Variants in TRAF2 observed in about 807,000 individuals in gnomAD.
The protein encoded by TRAF2 is TNF receptor-associated factor 2.
Under a neutral mutation model 55.6 loss-of-function variants are expected in TRAF2, and 6 were observed. That is an observed-to-expected ratio of 0.11 (90% CI 0.06 to 0.21). The LOEUF (loss-of-function observed/expected upper bound fraction) is 0.21, where lower values mean the gene tolerates loss of function less well. Ranked by LOEUF, TRAF2 falls within the 10% of genes least tolerant of loss-of-function variation. The probability of loss-of-function intolerance (pLI) is 1.00; values close to 1 mark genes in which losing one functional copy is unlikely to be tolerated. For synonymous variants in TRAF2, 329 were observed against 276.3 expected (o/e 1.19, Z -1.89); for missense variants, 561 against 684.5 (o/e 0.82, Z 2.01).
rs370806633 is a variant in TRAF2 at position 136,925,829 on chromosome 9, G to A, written c.1434G>A (p.Met478Ile). The A allele has an allele frequency of 1.5e-4, 244 of 1,614,138 alleles. No homozygotes were observed. Among genetic ancestry groups the A allele is most frequent in the Non-Finnish European group, 2.0e-4 (236 of 1,180,062 alleles). The change falls in exon 11 of 11, where the codon ATG becomes ATA. Residue 478 changes from methionine (M) to isoleucine (I), a missense_variant. Around this residue, in one of 2 missense-constraint regions of TRAF2, gnomAD observed 135 missense variants for 207.7 expected, o/e 0.65. Transcript: ENST00000247668. ...GCPLFCPVSK[M>I]EAKNSYVRDD... ...CCCTCTTCTGCCCCGTCTCCAAGAT[G>A]GAGGCAAAGAATTCCTACGTGCGGG... is the stretch of plus-strand genomic sequence containing the variant.
At chr9:136,884,302 T>C (rs1168220871), upstream of TRAF2, among the ~76,000 whole-genome samples, 1 of 150,916 alleles carries the variant, frequency 6.6e-6, no homozygotes, top group Non-Finnish European at 1.5e-5. Flanking sequence ...CTCATGCCTG[T>C]AATCCTAGCA....
At chr9:136,911,400 G>C (rs1850103170) in intron 6 of TRAF2, among the ~76,000 whole-genome samples, 1 of 151,888 alleles carries the variant, frequency 6.6e-6, no homozygotes, top group South Asian at 2.1e-4. Context: ...GAGTAGCTGG[G>C]ATTGCAGGTA....
chr9:136,906,021 C>T (rs7854924), intron 4 of TRAF2, among the ~76,000 whole-genome samples: 113,608 of 152,076 alleles, frequency 0.75, 42,616 homozygotes, highest in East Asian at 0.87. Flanking sequence ...AGAAGAATGG[C>T]GTGAACCCAG....
chr9:136,882,709 G>C (rs1232405342), upstream of TRAF2: 1 of 985,392 alleles, frequency 1.0e-6, no homozygotes, highest in East Asian at 1.1e-4. Context: ...GCCATGGCCA[G>C]AGTGAGTCAC....
intron 4 of TRAF2, among the ~76,000 whole-genome samples, chr9:136,905,842 C>T (rs976937764): frequency 6.6e-6 from 1 of 152,182 alleles, no homozygotes; most frequent in East Asian, 1.9e-4. Flanking sequence ...CGGTGGCTCA[C>T]ACCTGTAATC....
intron 7 of TRAF2, among the ~76,000 whole-genome samples, chr9:136,918,827 C>G (rs1850308384): frequency 6.6e-6 from 1 of 151,764 alleles, no homozygotes; most frequent in Non-Finnish European, 1.5e-5. Flanking sequence ...CCTCCACCTC[C>G]TGGGTTCAAG....
chr9:136,897,976 G>A (rs1281246827), intron 1 of TRAF2, among the ~76,000 whole-genome samples: 1 of 126,052 alleles, frequency 7.9e-6, no homozygotes, highest in Admixed American at 7.9e-5. Context: ...AGGGGAATCC[G>A]TGGTAGCTAT....
chr9:136,888,594 C>T (rs902288035), intron 1 of TRAF2, among the ~76,000 whole-genome samples: 1 of 152,154 alleles, frequency 6.6e-6, no homozygotes, highest in East Asian at 1.9e-4. Context: ...TGAACCCAAG[C>T]GTTTGCGGCG....
chr9:136,893,126 CG>C (rs1564404814), intron 1 of TRAF2, among the ~76,000 whole-genome samples: 1 of 152,146 alleles, frequency 6.6e-6, no homozygotes, highest in East Asian at 1.9e-4. Flanking sequence ...CTGTGAGCTC[CG>C]GAACATCCAC....
chr9:136,904,658 C>T (rs1248957766), intron 4 of TRAF2, among the ~76,000 whole-genome samples: 5 of 151,908 alleles, frequency 3.3e-5, no homozygotes, highest in African/African-American at 9.7e-5. Context: ...CCACCCGCCT[C>T]GGCCTCCCAA....
intron 2 of TRAF2, 120 bp from the exon 3 acceptor site, chr9:136,899,474 A>C (rs763331414): frequency 1.2e-6 from 1 of 820,100 alleles, no homozygotes; most frequent in Non-Finnish European, 1.9e-6. Flanking sequence ...TGTTGGTTTC[A>C]CTAAGGATGA....
chr9:136,921,696 CTTTTT>C (rs11404322), intron 9 of TRAF2, among the ~76,000 whole-genome samples: 4 of 146,726 alleles, frequency 2.7e-5, no homozygotes, highest in African/African-American at 1.0e-4. Context: ...ACTCCCCCAC[CTTTTT>C]TTTTTTTAAA....
At chr9:136,888,045 ATT>A (rs983699934) in intron 1 of TRAF2, among the ~76,000 whole-genome samples, 3 of 151,638 alleles carry the variant, frequency 2.0e-5, no homozygotes, top group Non-Finnish European at 4.4e-5. Context: ...AATTTTTTGT[ATT>A]TTTAGTAGAG....
Position 136,896,029 on chromosome 9 carries a change from C to T in TRAF2, c.-28-2684C>T, listed in dbSNP as rs575548124. ...CTGGGGATCTCAGCCGACACCATGC[C>T]CCTGTCCTTCCTCCACCTCTTTCCC... is the stretch of plus-strand genomic sequence containing the variant. On this transcript the variant is annotated intron_variant, in intron 1 of 10. Transcript: ENST00000247668. Among the ~76,000 whole-genome samples the T allele has an allele frequency of 6.6e-5, 10 of 152,210 alleles. No individual in the cohort carries two copies. The South Asian group carries it at 8.3e-4, about 13-fold the overall frequency.
At chr9:136,923,470 G>C (rs1356982486) in intron 9 of TRAF2, among the ~76,000 whole-genome samples, 2 of 152,050 alleles carry the variant, frequency 1.3e-5, no homozygotes, top group African/African-American at 4.8e-5. Flanking sequence ...AATTAGCCAG[G>C]TGTGGTGTCG....
intron 9 of TRAF2, chr9:136,922,605 T>TGGA (rs1850413890): frequency 7.3e-6 from 1 of 136,266 alleles, no homozygotes; most frequent in Admixed American, 7.4e-5. Context: ...GGGGGCACGG[T>TGGA]GGAGGACGAG....
chr9:136,899,322 C>T (rs1201745735), intron 2 of TRAF2, among the ~76,000 whole-genome samples: 4 of 152,184 alleles, frequency 2.6e-5, no homozygotes, highest in African/African-American at 9.7e-5. Context: ...GCAGCTCGGC[C>T]TGTCGGGAGA....
chr9:136,924,724 G>A (rs765395326), intron 10 of TRAF2, among the ~76,000 whole-genome samples: 3 of 152,032 alleles, frequency 2.0e-5, no homozygotes, highest in African/African-American at 4.8e-5. Context: ...AGCCCTCTTC[G>A]TCGGAGGTGT....
At chr9:136,888,726 C>T (rs539104614) in intron 1 of TRAF2, among the ~76,000 whole-genome samples, 1 of 152,316 alleles carries the variant, frequency 6.6e-6, no homozygotes, top group South Asian at 2.1e-4. Flanking sequence ...TGCCACCAAA[C>T]CATGTTCACA....
Sources: gnomAD v4.1 joint callset for allele counts (sites outside exome capture counted in the v4.1 genomes callset) on GRCh38, gnomAD v4.1.1 for gene constraint, gnomAD v4.1.1 regional missense constraint, MANE v1.5 for transcripts, NCBI Gene and HGNC (gene_info 2026-07-23, HGNC 2026-07-21) for gene names.